The following LRP1B variants were observed in gnomAD, a reference collection of about 807,000 sequenced individuals.
The protein encoded by LRP1B is low-density lipoprotein receptor-related protein 1B.
A neutral mutation model predicts 556.6 loss-of-function variants in LRP1B; 217 were observed. The ratio of observed to expected loss-of-function variants is 0.39; its 90% CI spans 0.35 to 0.44. LRP1B has a LOEUF of 0.44. LRP1B is among the 20% of genes least tolerant of loss of function. The pLI is 1.00. For synonymous variants in LRP1B, 2,047 were observed against 1,865.8 expected, an observed-to-expected ratio of 1.10 and a Z score of -2.50; for missense variants, 5,053 against 5,620.8, an observed-to-expected ratio of 0.90 and a Z score of 3.23.
intron 1 of LRP1B, among the ~76,000 whole-genome samples, chr2:141,877,187 G>C (rs988691176): frequency 3.0e-4 from 45 of 151,984 alleles, no homozygotes; most frequent in African/African-American, 1.1e-3. Context: ...GTTATAGAGT[G>C]TTAAACATTA....
In LRP1B at chr2:141,510,212, ACACACACACACACACACACACACC is replaced by A. The variant is rs1215215908; in HGVS notation, c.206-29703_206-29680del. ...GCAATACAGACACACACACACACAC[ACACACACACACACACACACACACC>A]CCCCACAGTCATTTGATGATATTTC... On this transcript the variant is annotated intron_variant, in intron 2 of 90. Coordinates refer to ENST00000389484, the MANE Select transcript of LRP1B (RefSeq NM_018557.3). 2.7e-5 allele frequency among the ~76,000 whole-genome samples: 4 copies of A among 150,798 alleles called. No homozygotes were observed. The East Asian group carries it at 7.9e-4, about 30-fold the overall frequency.
intron 84 of LRP1B, among the ~76,000 whole-genome samples, chr2:140,289,620 A>T (rs1683294542): frequency 6.6e-6 from 1 of 151,614 alleles, no homozygotes; most frequent in Non-Finnish European, 1.5e-5. Flanking sequence ...TTTTTAATGA[A>T]GGCATAACAT....
At chr2:141,206,028 G>A (rs1300241164) in intron 6 of LRP1B, among the ~76,000 whole-genome samples, 6 of 151,888 alleles carry the variant, frequency 4.0e-5, no homozygotes, top group African/African-American at 1.5e-4. Flanking sequence ...AGAAAATATG[G>A]GAGTCTTTTA....
chr2:140,618,552 A>G (rs1683336233), intron 41 of LRP1B, among the ~76,000 whole-genome samples: 1 of 152,214 alleles, frequency 6.6e-6, no homozygotes, highest in South Asian at 2.1e-4. Flanking sequence ...TGAAAGAGAA[A>G]GAAAATAATA....
At chr2:140,544,349 T>C (rs1468219857) in intron 43 of LRP1B, among the ~76,000 whole-genome samples, 1 of 152,014 alleles carries the variant, frequency 6.6e-6, no homozygotes, top group Non-Finnish European at 1.5e-5. Context: ...CAGGGATATA[T>C]GTGCAAGTTT....
rs547378955 is a variant in LRP1B at position 141,225,967 on chromosome 2, C to T, written c.850+3216G>A. The stretch of plus-strand genomic sequence containing the variant: ...TTTGTAAGCCAACATTACTAATATT[C>T]GTAGACCTAATCATTTTTGCTTTGC... On this transcript the variant is annotated intron_variant, in intron 6 of 90. Transcript: ENST00000389484. 5.4e-4 allele frequency among the ~76,000 whole-genome samples: 82 copies of T among 152,146 alleles called. No homozygotes were observed. In the Middle Eastern group the frequency reaches 0.01, roughly 19 times the overall value.
chr2:140,375,173 A>ATGTGTGTGTGTG (rs34597866), intron 68 of LRP1B, among the ~76,000 whole-genome samples: 3 of 144,108 alleles, frequency 2.1e-5, no homozygotes, highest in African/African-American at 7.6e-5. Flanking sequence ...TACTGTGTGT[A>ATGTGTGTGTGTG]TGTGTGTGTG....
intron 41 of LRP1B, among the ~76,000 whole-genome samples, chr2:140,698,310 C>T (rs1686507968): frequency 6.6e-6 from 1 of 151,902 alleles, no homozygotes; most frequent in South Asian, 2.1e-4. Flanking sequence ...ACTCCAGAGT[C>T]TGTGTATGTG....
chr2:140,769,478 A>T (rs545338068), intron 34 of LRP1B, 134 bp from the exon 35 acceptor site: 2 of 921,650 alleles, frequency 2.2e-6, no homozygotes, highest in South Asian at 2.0e-5. Context: ...CTTTTAAAAA[A>T]ATTATTGTGT....
At position 141,084,652 on chromosome 2, in the gene LRP1B, C is replaced by CTTT. The variant is rs11311266; in HGVS notation, c.1014-22382_1014-22380dup. Among the ~76,000 whole-genome samples, 32 of 137,002 alleles carry CTTT rather than the reference C, an allele frequency of 2.3e-4. No homozygotes were observed. In the South Asian group the frequency reaches 3.0e-3, roughly 13 times the overall value. The allele number at this position is 137,002 out of a possible 152,430, so 89.9% of individuals were successfully genotyped here. On this transcript the variant is annotated intron_variant, in intron 7 of 90. Transcript: ENST00000389484. ...GTCTTGTCCATAGATACTTCTGTTT[C>CTTT]TTTTTTTTTTTTTTTCAGACGGAGT...
At chr2:142,099,542 A>G (rs1706499281) in intron 1 of LRP1B, among the ~76,000 whole-genome samples, 1 of 151,928 alleles carries the variant, frequency 6.6e-6, no homozygotes, top group Non-Finnish European at 1.5e-5. Context: ...TCAGAAGCTT[A>G]TTTATCCCAT....
At chr2:141,802,692 CA>C (rs962539362) in intron 2 of LRP1B, among the ~76,000 whole-genome samples, 1 of 151,988 alleles carries the variant, frequency 6.6e-6, no homozygotes, top group Non-Finnish European at 1.5e-5. Flanking sequence ...CTTCATTTAG[CA>C]AAATATGTCA....
At chr2:140,666,908 C>T (rs1685296509) in intron 41 of LRP1B, among the ~76,000 whole-genome samples, 1 of 152,190 alleles carries the variant, frequency 6.6e-6, no homozygotes, top group Admixed American at 6.5e-5. Context: ...CACACATTCT[C>T]CCTAAAGTAC....
chr2:141,338,581 C>A (rs1014316342), intron 3 of LRP1B, among the ~76,000 whole-genome samples: 1 of 152,148 alleles, frequency 6.6e-6, no homozygotes, highest in Non-Finnish European at 1.5e-5. Flanking sequence ...TTCTTTCTGT[C>A]CAGATTTTAC....
intron 1 of LRP1B, among the ~76,000 whole-genome samples, chr2:141,885,504 A>G (rs942763358): frequency 2.0e-5 from 3 of 152,120 alleles, no homozygotes; most frequent in South Asian, 2.1e-4. Flanking sequence ...CAAACAAACA[A>G]AAAACGCTGT....
intron 71 of LRP1B, among the ~76,000 whole-genome samples, chr2:140,365,665 T>G (rs187598836): frequency 6.6e-6 from 1 of 151,720 alleles, no homozygotes; most frequent in Non-Finnish European, 1.5e-5. Context: ...GCGTCACAGG[T>G]GCAAGAAGTA....
In LRP1B at chr2:141,233,384, C is replaced by T. The variant is rs143879356; in HGVS notation, c.593-3944G>A. Among the ~76,000 whole-genome samples, 801 of 152,278 alleles carry T rather than the reference C, an allele frequency of 5.3e-3. 4 individuals are homozygous for T. Among genetic ancestry groups the T allele is most frequent in the Non-Finnish European group, 6.1e-3 (414 of 68,020 alleles). On this transcript the variant is annotated intron_variant, in intron 5 of 90. Coordinates refer to ENST00000389484, the MANE Select transcript of LRP1B (RefSeq NM_018557.3). ...CCTTGTATGTTGACAGACCTAAAAA[C>T]ATTTCTCTCTCCTGTGATGGAGAAT...
intron 67 of LRP1B, among the ~76,000 whole-genome samples, chr2:140,379,011 C>G (rs1050177298): frequency 1.3e-5 from 2 of 152,140 alleles, no homozygotes; most frequent in Non-Finnish European, 2.9e-5. Context: ...GGCTTAATTC[C>G]TATTGGAATA....
chr2:140,495,738 C>T lies in LRP1B; in HGVS notation c.8861G>A (p.Trp2954Ter). The T allele has an allele frequency of 1.9e-6, 3 of 1,605,150 alleles. No homozygotes were observed. Among genetic ancestry groups the T allele is most frequent in the Non-Finnish European group, 2.6e-6 (3 of 1,172,594 alleles). The change falls in exon 56 of 91, where the codon TGG (tryptophan) becomes TAG (stop). Residue 2954 changes from tryptophan to a stop codon, truncating the protein, a stop_gained. Transcript: ENST00000389484. LOFTEE classifies it high-confidence loss of function. ...GTCATCCTTCAGTTGGAATCCAGGCCAGCATTTGCACTGGGAAAAGAAAAA... is the reference window on the plus strand; with the variant it reads ...GTCATCCTTCAGTTGGAATCCAGGCTAGCATTTGCACTGGGAAAAGAAAAA... Reference protein sequence around the residue: ...DLPVSYKCKCWPGFQLKDDGK... With the variant: ...DLPVSYKCKC
Sources: allele counts gnomAD v4.1 joint callset (sites outside exome capture counted in the v4.1 genomes callset), GRCh38; gene constraint gnomAD v4.1.1; transcripts MANE v1.5; gene names NCBI Gene and HGNC (gene_info 2026-07-23, HGNC 2026-07-21).